NUMB: variants seen among roughly 807,000 people sequenced by gnomAD.
NUMB encodes protein numb homolog.
In NUMB, 29 loss-of-function variants were observed where a neutral mutation model predicts 59.7. The ratio of observed to expected loss-of-function variants is 0.49; its 90% CI spans 0.36 to 0.66. The LOEUF (loss-of-function observed/expected upper bound fraction) is 0.66, where lower values mean the gene tolerates loss of function less well. NUMB is among the 30% of genes least tolerant of loss of function. NUMB has a pLI of 0.00. For missense variants in NUMB, 723 were observed against 822.0 expected (o/e 0.88, Z 1.47); for synonymous variants, 288 against 288.2 (o/e 1.00, Z 0.01).
chr14:73,278,317 C>T (rs1189778221), intron 12 of NUMB, among the ~76,000 whole-genome samples: 1 of 151,890 alleles, frequency 6.6e-6, no homozygotes, highest in Non-Finnish European at 1.5e-5. Context: ...GTCAGGAGTT[C>T]GAAAACAGCC....
intron 2 of NUMB, among the ~76,000 whole-genome samples, chr14:73,370,352 A>T (rs1894600875): frequency 6.6e-6 from 1 of 152,216 alleles, no homozygotes; most frequent in Non-Finnish European, 1.5e-5. Flanking sequence ...ATAGAACATG[A>T]GGTGCTTGAG....
intron 4 of NUMB, among the ~76,000 whole-genome samples, chr14:73,351,066 T>C (rs1009842392): frequency 6.6e-6 from 1 of 152,192 alleles, no homozygotes; most frequent in African/African-American, 2.4e-5. Flanking sequence ...GAATACAATG[T>C]CCACTATTTG....
chr14:73,437,320 A>C (rs1898101735), intron 1 of NUMB, among the ~76,000 whole-genome samples: 1 of 152,168 alleles, frequency 6.6e-6, no homozygotes, highest in Non-Finnish European at 1.5e-5. Context: ...TACAGGCATA[A>C]GCCATCACGC....
At chr14:73,382,317 T>A (rs973254971) in intron 2 of NUMB, among the ~76,000 whole-genome samples, 3 of 152,122 alleles carry the variant, frequency 2.0e-5, no homozygotes, top group Admixed American at 6.5e-5. Context: ...TGGCTAATTT[T>A]TGTATTTTTA....
chr14:73,371,426 T>C (rs1894665662), intron 2 of NUMB, among the ~76,000 whole-genome samples: 1 of 151,570 alleles, frequency 6.6e-6, no homozygotes, highest in South Asian at 2.1e-4. Flanking sequence ...TCCCAGCTAC[T>C]CAGGAGGCTG....
At chr14:73,300,413 A>C (rs1890066070) in intron 6 of NUMB, among the ~76,000 whole-genome samples, 1 of 152,142 alleles carries the variant, frequency 6.6e-6, no homozygotes, top group African/African-American at 2.4e-5. Context: ...TATGGTTTTA[A>C]TTTACCTGCT....
At chr14:73,380,626 C>A (rs888406925) in intron 2 of NUMB, among the ~76,000 whole-genome samples, 2 of 151,874 alleles carry the variant, frequency 1.3e-5, no homozygotes, top group African/African-American at 4.8e-5. Flanking sequence ...ATGCCATGAT[C>A]CCATAGATCT....
intron 1 of NUMB, among the ~76,000 whole-genome samples, chr14:73,430,396 G>A (rs927079948): frequency 3.3e-5 from 5 of 152,088 alleles, no homozygotes; most frequent in African/African-American, 1.2e-4. Flanking sequence ...TTGGGAGGCC[G>A]AGGCAGGAAG....
At chr14:73,277,948 C>T (rs1888295586) in intron 12 of NUMB, among the ~76,000 whole-genome samples, 1 of 146,580 alleles carries the variant, frequency 6.8e-6, no homozygotes, top group South Asian at 2.2e-4. Context: ...GTCCCAGCTA[C>T]TCGGGAGGCT....
intron 6 of NUMB, among the ~76,000 whole-genome samples, chr14:73,300,437 GAGAGGAAAGACGACAGGC>G (rs1890067017): frequency 6.6e-6 from 1 of 152,142 alleles, no homozygotes; most frequent in Non-Finnish European, 1.5e-5. Context: ...CTTTGCTGGG[GAGAGGAAAGACGACAGGC>G]AGAGTAAAAT....
At chr14:73,385,769 T>C (rs1441768411) in intron 2 of NUMB, among the ~76,000 whole-genome samples, 1 of 152,124 alleles carries the variant, frequency 6.6e-6, no homozygotes, top group Admixed American at 6.6e-5. Context: ...CCCAAAGTGC[T>C]AGGATTACAG....
chr14:73,288,121 A>G (rs1408403754), intron 8 of NUMB, among the ~76,000 whole-genome samples: 1 of 152,216 alleles, frequency 6.6e-6, no homozygotes, highest in African/African-American at 2.4e-5. Context: ...CCAGTGATTA[A>G]AAAGGAATGA....
At chr14:73,390,354 A>G (rs1179482257) in intron 2 of NUMB, among the ~76,000 whole-genome samples, 1 of 152,196 alleles carries the variant, frequency 6.6e-6, no homozygotes, top group Non-Finnish European at 1.5e-5. Context: ...AACATTCCAA[A>G]GTTATCATTG....
chr14:73,410,197 C>T (rs1450181364), intron 1 of NUMB, 129 bp from the exon 2 acceptor site: 1 of 152,164 alleles, frequency 6.6e-6, no homozygotes, highest in East Asian at 1.9e-4. Context: ...GCACAGGTTT[C>T]ACTAAAAATA....
chr14:73,444,469 T>C (rs1474633238), intron 1 of NUMB, among the ~76,000 whole-genome samples: 1 of 151,512 alleles, frequency 6.6e-6, no homozygotes, highest in Non-Finnish European at 1.5e-5. Flanking sequence ...TCAGCATCCA[T>C]TGATGGAGAA....
intron 9 of NUMB, chr14:73,286,856 G>C: frequency 2.0e-6 from 1 of 491,556 alleles, no homozygotes; most frequent in Non-Finnish European, 3.7e-6. Flanking sequence ...AAGGGGGTAA[G>C]AGATGTCTCT....
chr14:73,397,597 A>C (rs1296553908), intron 2 of NUMB, among the ~76,000 whole-genome samples: 1 of 152,234 alleles, frequency 6.6e-6, no homozygotes, highest in African/African-American at 2.4e-5. Flanking sequence ...AATGGTAATT[A>C]AGCAGTTATC....
intron 2 of NUMB, among the ~76,000 whole-genome samples, chr14:73,378,107 C>T (rs1398345806): frequency 6.6e-6 from 1 of 151,876 alleles, no homozygotes; most frequent in Non-Finnish European, 1.5e-5. Flanking sequence ...AAGACTTGAA[C>T]ATATTTCACT....
intron 2 of NUMB, among the ~76,000 whole-genome samples, chr14:73,405,810 C>T (rs542506487): frequency 1.2e-4 from 18 of 152,100 alleles, no homozygotes; most frequent in African/African-American, 4.3e-4. Context: ...CTCTCTCTGT[C>T]CATAGGAAAG....
Sources: allele counts gnomAD v4.1 joint callset (sites outside exome capture counted in the v4.1 genomes callset), GRCh38; gene constraint gnomAD v4.1.1; transcripts MANE v1.5; gene names NCBI Gene and HGNC (gene_info 2026-07-23, HGNC 2026-07-21).